NLGN1: variants seen among roughly 807,000 people sequenced by gnomAD.
The protein encoded by NLGN1 is neuroligin-1.
NLGN1 carries 12 observed loss-of-function variants against 65.5 expected under a neutral mutation model. That is an observed-to-expected ratio of 0.18 (90% confidence interval 0.12 to 0.30). The LOEUF is 0.30. NLGN1 is among the 10% of genes least tolerant of loss of function. The probability of loss-of-function intolerance (pLI) is 1.00; values close to 1 mark genes in which losing one functional copy is unlikely to be tolerated. For missense variants in NLGN1, 750 were observed against 1,007.1 expected (o/e 0.74, Z 3.46); for synonymous variants, 350 against 359.5 (o/e 0.97, Z 0.30).
intron 4 of NLGN1, among the ~76,000 whole-genome samples, chr3:173,933,810 A>G (rs1744564799): frequency 6.6e-6 from 1 of 152,068 alleles, no homozygotes; most frequent in Non-Finnish European, 1.5e-5. Context: ...CAAATTCTCA[A>G]TGTACTTCAT....
intron 2 of NLGN1, among the ~76,000 whole-genome samples, chr3:173,560,685 T>C (rs1704371988): frequency 6.6e-6 from 1 of 152,090 alleles, no homozygotes; most frequent in Non-Finnish European, 1.5e-5. Context: ...GTTAGTTCCG[T>C]TTACCCCAAG....
intron 4 of NLGN1, among the ~76,000 whole-genome samples, chr3:174,138,433 CT>C (rs58713208): frequency 1.6e-3 from 217 of 132,508 alleles, no homozygotes; most frequent in African/African-American, 3.3e-3. Context: ...TTCTACTATT[CT>C]TTTTTTTTTT....
chr3:173,574,062 C>CA (rs1192427397), intron 2 of NLGN1, among the ~76,000 whole-genome samples: 11,881 of 51,496 alleles, frequency 0.23, 1,113 homozygotes, highest in Non-Finnish European at 0.3. Flanking sequence ...GACTCCACCT[C>CA]AAAAAAAAAA....
At chr3:173,749,121 T>G (rs185352691) in intron 3 of NLGN1, among the ~76,000 whole-genome samples, 23 of 152,222 alleles carry the variant, frequency 1.5e-4, no homozygotes, top group African/African-American at 4.8e-4. Context: ...CCCTATAATT[T>G]GATTAAGTGT....
chr3:173,625,915 G>A (rs931994650), intron 3 of NLGN1, among the ~76,000 whole-genome samples: 6 of 152,002 alleles, frequency 3.9e-5, no homozygotes, highest in Non-Finnish European at 7.4e-5. Context: ...CACTATAAAA[G>A]ATGATAGAAA....
At position 173,434,694 on chromosome 3, in the gene NLGN1, C is replaced by T. The variant is rs147978238; in HGVS notation, c.-389-316C>T. 2.4e-4 allele frequency among the ~76,000 whole-genome samples: 37 copies of T among 152,236 alleles called. No homozygotes were observed. The East Asian group carries it at 4.8e-3, about 20-fold the overall frequency. On this transcript the variant is annotated intron_variant, in intron 1 of 6. Transcript: ENST00000457714. ...TTCTGAGGTTCTTAGTAAAATGACA[C>T]CCTATAAAATAGTCTAAAAGGAGTT...
At chr3:173,897,465 A>C (rs965053649) in intron 4 of NLGN1, among the ~76,000 whole-genome samples, 3 of 152,186 alleles carry the variant, frequency 2.0e-5, no homozygotes, top group Non-Finnish European at 4.4e-5. Flanking sequence ...AGTTTTGTAG[A>C]ACCAGAAATT....
At chr3:173,475,221 C>A (rs1725990985) in intron 2 of NLGN1, among the ~76,000 whole-genome samples, 1 of 152,128 alleles carries the variant, frequency 6.6e-6, no homozygotes. Context: ...AACGTTATTT[C>A]AATTACTTGT....
intron 4 of NLGN1, among the ~76,000 whole-genome samples, chr3:173,890,947 A>T (rs1735220451): frequency 6.6e-6 from 1 of 152,154 alleles, no homozygotes; most frequent in African/African-American, 2.4e-5. Flanking sequence ...TTAAATATTG[A>T]ATCCTTCATC....
At chr3:173,527,542 C>T (rs1048055089) in intron 2 of NLGN1, among the ~76,000 whole-genome samples, 17 of 152,178 alleles carry the variant, frequency 1.1e-4, no homozygotes, top group South Asian at 2.1e-4. Flanking sequence ...GGACTACAGG[C>T]GCCCGCCACC....
At chr3:173,784,795 A>G (rs141605260) in intron 3 of NLGN1, among the ~76,000 whole-genome samples, 4 of 152,336 alleles carry the variant, frequency 2.6e-5, no homozygotes, top group African/African-American at 4.8e-5. Flanking sequence ...TACAACAGAT[A>G]GAAAACATTT....
In NLGN1 at chr3:174,186,839, C is replaced by A. The variant is rs529580956; in HGVS notation, c.647-88476C>A. Among the ~76,000 whole-genome samples the A allele has an allele frequency of 2.6e-5, 4 of 152,038 alleles. No individual in the cohort carries two copies. In the South Asian group the frequency reaches 8.3e-4, roughly 32 times the overall value. On this transcript the variant is annotated intron_variant, in intron 4 of 6. Transcript: ENST00000457714. ...TGAACCTGACCTCCAAGAATATGGT[C>A]ATCACTGAAAGATAAGATACAGGTA...
chr3:173,812,298 C>T (rs773150440), intron 4 of NLGN1, among the ~76,000 whole-genome samples: 6 of 152,182 alleles, frequency 3.9e-5, no homozygotes, highest in Non-Finnish European at 7.3e-5. Flanking sequence ...GTTAACTTCA[C>T]TGCATATACA....
At chr3:173,907,570 ATC>A (rs1392634157) in intron 4 of NLGN1, among the ~76,000 whole-genome samples, 1 of 143,500 alleles carries the variant, frequency 7.0e-6, no homozygotes, top group Non-Finnish European at 1.5e-5. Context: ...AGATGGCTTT[ATC>A]TCTCTCTCTC....
intron 4 of NLGN1, among the ~76,000 whole-genome samples, chr3:174,274,964 C>T (rs1009848022): frequency 7.9e-5 from 12 of 151,862 alleles, no homozygotes; most frequent in African/African-American, 2.7e-4. Context: ...GCAAGATACA[C>T]GTTCACATGA....
intron 2 of NLGN1, among the ~76,000 whole-genome samples, chr3:173,559,880 T>G (rs1377744771): frequency 6.6e-6 from 1 of 151,788 alleles, no homozygotes; most frequent in Admixed American, 6.6e-5. Flanking sequence ...TAATTATTAA[T>G]GAAAAACACT....
intron 4 of NLGN1, among the ~76,000 whole-genome samples, chr3:173,938,532 C>T (rs1745431266): frequency 6.6e-6 from 1 of 152,138 alleles, no homozygotes; most frequent in Non-Finnish European, 1.5e-5. Context: ...TTCTTTGCTA[C>T]TGCAGTGTGA....
At chr3:173,865,196 G>T (rs1202942330) in intron 4 of NLGN1, among the ~76,000 whole-genome samples, 1 of 151,954 alleles carries the variant, frequency 6.6e-6, no homozygotes, top group African/African-American at 2.4e-5. Context: ...ACCACAGTTT[G>T]TATTAATCCT....
At chr3:173,928,121 A>G (rs1227750252) in intron 4 of NLGN1, among the ~76,000 whole-genome samples, 6 of 152,182 alleles carry the variant, frequency 3.9e-5, no homozygotes, top group Non-Finnish European at 1.5e-5. Context: ...TTTAATATTA[A>G]ACTTCTGATT....
Sources: gnomAD v4.1 joint callset for allele counts (sites outside exome capture counted in the v4.1 genomes callset) on GRCh38, gnomAD v4.1.1 for gene constraint, MANE v1.5 for transcripts, NCBI Gene and HGNC (gene_info 2026-07-23, HGNC 2026-07-21) for gene names.